Variants in ACCSL observed in about 807,000 individuals in gnomAD.
ACCSL encodes the protein probable inactive 1-aminocyclopropane-1-carboxylate synthase-like protein 2.
In ACCSL, 55 loss-of-function variants were observed where a neutral mutation model predicts 61.7. That is an observed-to-expected ratio of 0.89 (90% CI 0.72 to 1.12). The LOEUF (loss-of-function observed/expected upper bound fraction) is 1.12. Ranked by LOEUF, ACCSL falls within the 50% of genes most tolerant of loss-of-function variation. The pLI, the probability that ACCSL is intolerant of heterozygous loss-of-function variation, is 0.00. For synonymous variants in ACCSL, 258 were observed against 264.3 expected, an observed-to-expected ratio of 0.98 and a Z score of 0.23; for missense variants, 632 against 698.0, an observed-to-expected ratio of 0.91 and a Z score of 1.07.
the ACCSL span, among the ~76,000 whole-genome samples, chr11:44,004,443 G>A: frequency 1.8e-3 from 272 of 152,130 alleles, no homozygotes; most frequent in Non-Finnish European, 2.9e-3. Context: ...AGCTCCAGTT[G>A]CTCCCTACCC....
At chr11:43,982,812 G>T in the ACCSL span, among the ~76,000 whole-genome samples, 2 of 152,226 alleles carry the variant, frequency 1.3e-5, no homozygotes, top group East Asian at 3.9e-4. Context: ...GGAGAATTGT[G>T]TGCAGAGCCA....
chr11:43,951,614 A>AC, the ACCSL span, among the ~76,000 whole-genome samples: 7 of 152,116 alleles, frequency 4.6e-5, no homozygotes, highest in Non-Finnish European at 1.0e-4. Context: ...TGATGGTTTG[A>AC]CCCCCCAAAG....
At chr11:43,965,457 C>CCATA in the ACCSL span, among the ~76,000 whole-genome samples, 1 of 152,070 alleles carries the variant, frequency 6.6e-6, no homozygotes, top group South Asian at 2.1e-4. Flanking sequence ...TAAAGAACAC[C>CCATA]TGAGTAAATG....
chr11:43,939,303 A>G, the ACCSL span, among the ~76,000 whole-genome samples: 1 of 152,160 alleles, frequency 6.6e-6, no homozygotes, highest in African/African-American at 2.4e-5. Context: ...CTCACCACCT[A>G]TTGGCTAAGC....
chr11:43,941,360 G>T, the ACCSL span, among the ~76,000 whole-genome samples: 1 of 152,214 alleles, frequency 6.6e-6, no homozygotes, highest in Non-Finnish European at 1.5e-5. Context: ...TACCTTTCTT[G>T]TTGGCTTCCA....
chr11:43,951,270 G>A, the ACCSL span, among the ~76,000 whole-genome samples: 6 of 152,204 alleles, frequency 3.9e-5, no homozygotes, highest in Non-Finnish European at 7.3e-5. Context: ...AATCCAAAGA[G>A]TGGGAGTTCT....
chr11:43,977,284 T>C, the ACCSL span, among the ~76,000 whole-genome samples: 2 of 152,178 alleles, frequency 1.3e-5, no homozygotes, highest in African/African-American at 2.4e-5. Flanking sequence ...AGGCTGCAGA[T>C]GGAATTAAGT....
chr11:43,974,985 C>T, the ACCSL span, among the ~76,000 whole-genome samples: 1 of 152,054 alleles, frequency 6.6e-6, no homozygotes, highest in Admixed American at 6.6e-5. Flanking sequence ...TGCTATGCAG[C>T]AATAAAGGAA....
chr11:43,988,563 A>G, the ACCSL span, among the ~76,000 whole-genome samples: 1 of 151,862 alleles, frequency 6.6e-6, no homozygotes, highest in Non-Finnish European at 1.5e-5. Context: ...ATGTTAGAAT[A>G]ATAAAGCTAC....
the ACCSL span, among the ~76,000 whole-genome samples, chr11:43,968,239 C>T: frequency 6.8e-6 from 1 of 148,142 alleles, no homozygotes; most frequent in Non-Finnish European, 1.5e-5. Flanking sequence ...AGGGTGAGAC[C>T]CTTTAGGGTG....
chr11:44,030,436 C>G, the ACCSL span, among the ~76,000 whole-genome samples: 1 of 151,582 alleles, frequency 6.6e-6, no homozygotes, highest in Non-Finnish European at 1.5e-5. Context: ...CCAGAAGGGG[C>G]CGCCTGCTGC....
At chr11:44,053,926 C>G (rs1952655378) in intron 8 of ACCSL, among the ~76,000 whole-genome samples, 1 of 152,180 alleles carries the variant, frequency 6.6e-6, no homozygotes, top group Non-Finnish European at 1.5e-5. Context: ...GTAAAACTAA[C>G]TGAAATTAAA....
the ACCSL span, among the ~76,000 whole-genome samples, chr11:44,012,082 T>A: frequency 0.07 from 10,634 of 152,014 alleles, 396 homozygotes; most frequent in Non-Finnish European, 0.092. Flanking sequence ...GCCAAAGTCT[T>A]CTCCTGGATG....
At chr11:43,930,992 C>T in the ACCSL span, among the ~76,000 whole-genome samples, 2 of 152,224 alleles carry the variant, frequency 1.3e-5, no homozygotes, top group Admixed American at 1.3e-4. Context: ...ACTCCGTGGT[C>T]TGAAAACACT....
chr11:43,939,619 T>A, the ACCSL span, among the ~76,000 whole-genome samples: 5 of 152,118 alleles, frequency 3.3e-5, no homozygotes, highest in Non-Finnish European at 4.4e-5. Flanking sequence ...AACTTATTTT[T>A]TATTTTTTGA....
the ACCSL span, among the ~76,000 whole-genome samples, chr11:44,034,571 GA>G: frequency 6.6e-6 from 1 of 152,180 alleles, no homozygotes. Flanking sequence ...GAGAGAGAGA[GA>G]GAGAGCTTGT....
chr11:44,008,427 C>T, the ACCSL span, among the ~76,000 whole-genome samples: 2 of 152,220 alleles, frequency 1.3e-5, no homozygotes, highest in African/African-American at 4.8e-5. Context: ...TCCCAGGGCT[C>T]TCAGGGCAAA....
the ACCSL span, among the ~76,000 whole-genome samples, chr11:43,987,762 G>A: frequency 2.0e-5 from 3 of 152,142 alleles, no homozygotes; most frequent in African/African-American, 7.2e-5. Flanking sequence ...AACACAGCCC[G>A]AATCTCTTCC....
the ACCSL span, among the ~76,000 whole-genome samples, chr11:43,963,986 T>C: frequency 6.6e-6 from 1 of 152,198 alleles, no homozygotes; most frequent in Non-Finnish European, 1.5e-5. Flanking sequence ...ATCTTTTACT[T>C]TCCAACCTCT....
Sources: gnomAD v4.1 joint callset for allele counts (sites outside exome capture counted in the v4.1 genomes callset) on GRCh38, gnomAD v4.1.1 for gene constraint, MANE v1.5 for transcripts, NCBI Gene and HGNC (gene_info 2026-07-23, HGNC 2026-07-21) for gene names.